Variants in EPHA1 observed in about 807,000 individuals in gnomAD.
EPHA1 encodes ephrin type-A receptor 1.
Under a neutral mutation model 110.1 loss-of-function variants are expected in EPHA1, and 92 were observed. That is an observed-to-expected ratio of 0.84 (90% CI 0.71 to 0.99). The LOEUF (loss-of-function observed/expected upper bound fraction) is 0.99, where lower values mean the gene tolerates loss of function less well. Among genes scored for constraint, EPHA1 ranks in the 50% least tolerant of loss-of-function variants. EPHA1 has a pLI of 0.00. For synonymous variants in EPHA1, 500 were observed against 516.1 expected (o/e 0.97, Z 0.42); for missense variants, 1,204 against 1,285.4 (o/e 0.94, Z 0.97).
chr7:143,395,586 G>T lies in EPHA1; in HGVS notation c.1898-82C>A. 1 of 1,429,222 alleles carries T rather than the reference G, an allele frequency of 7.0e-7. No individual in the cohort carries two copies. Among genetic ancestry groups the T allele is most frequent in the Non-Finnish European group, 9.5e-7 (1 of 1,049,000 alleles). The allele number at this position is 1,429,222 out of a possible 1,614,324, so 88.5% of individuals were successfully genotyped here. A position where few individuals can be genotyped will look rare whatever the true frequency, so the allele number is the denominator to read the frequency against. ...CAGGCAGCAACCCCTCCAGTCCTCC[G>T]GCCCTTTTCTTTTCTGGAGAATCAG... is the stretch of plus-strand genomic sequence containing the variant. On this transcript the variant is annotated intron_variant, in intron 11 of 17. Coordinates refer to ENST00000275815, the MANE Select transcript of EPHA1 (RefSeq NM_005232.5). This position sits in a 1 kb window ranked among gnomAD's most constrained non-coding sequence, Gnocchi z 4.7.
rs959943574 is a variant in EPHA1, at chr7:143,394,281, T to A, written c.2415A>T (p.Thr805=). Reference sequence around the variant, plus strand: ...TCCCAAAGCTCCACACATCGCTGGCTGTGGTGAAGATCCGATGGGCAATGG... The same window carrying A: ...TCCCAAAGCTCCACACATCGCTGGCAGTGGTGAAGATCCGATGGGCAATGG... ...PEAIAHRIFT[T]ASDVWSFGIV... Residue 805 remains threonine, a synonymous_variant, in exon 15 of 18, where the codon ACA becomes ACT. Coordinates refer to ENST00000275815, the MANE Select transcript of EPHA1 (RefSeq NM_005232.5). 7 of 1,613,974 alleles carry A rather than the reference T, an allele frequency of 4.3e-6. No individual in the cohort carries two copies. The African/African-American group carries it at 9.3e-5, about 22-fold the overall frequency.
intron 16 of EPHA1, among the ~76,000 whole-genome samples, chr7:143,392,467 T>G (rs1366369750): frequency 6.6e-6 from 1 of 152,206 alleles, no homozygotes; most frequent in African/African-American, 2.4e-5. Context: ...ATATGGTGGT[T>G]GGATACAGAG....
chr7:143,407,520 C>A, intron 2 of EPHA1, 91 bp downstream of exon 2: 3 of 1,339,864 alleles, frequency 2.2e-6, no homozygotes, highest in South Asian at 1.2e-5. Flanking sequence ...GTTTTTCCTG[C>A]TCTTTTCTCT....
At chr7:143,394,730 G>T (rs1805195344) in intron 14 of EPHA1, 78 bp downstream of exon 14, 1 of 1,545,202 alleles carries the variant, frequency 6.5e-7, no homozygotes, top group African/African-American at 1.4e-5. Flanking sequence ...AAGTCTTTGT[G>T]CCTATATACA....
rs2116627115 is a variant in EPHA1 at position 143,399,428 on chromosome 7, C to A, written c.836-15G>T. 1.3e-6 allele frequency: 2 copies of A among 1,566,742 alleles called. No individual in the cohort carries two copies. The highest frequency in any genetic ancestry group is 8.6e-7 in the Non-Finnish European group (1 of 1,156,132). On this transcript the variant is annotated splice_polypyrimidine_tract_variant and intron_variant, in intron 4 of 17. Transcript: ENST00000275815. Reference sequence around the variant, plus strand: ...GCTAGGGCAGGCTGGAGAGAGAACGCAGCAGAGCAGTGGTTCTGTAAATGT... The same window carrying A: ...GCTAGGGCAGGCTGGAGAGAGAACGAAGCAGAGCAGTGGTTCTGTAAATGT...
intron 5 of EPHA1, 61 bp from the exon 6 acceptor site, chr7:143,399,006 C>T (rs1018741586): frequency 6.9e-6 from 10 of 1,448,394 alleles, no homozygotes; most frequent in Non-Finnish European, 9.3e-6. Flanking sequence ...GCTGCTGATC[C>T]CCGGCCTCCA....
Position 143,395,313 on chromosome 7 carries a change from T to A in EPHA1, c.2083+6A>T, listed in dbSNP as rs200415307. ...GCCCCCAGCTGAGGGAGACCACTCA[T>A]CGTACGCTTTGTGACGACGCCTTCC... On this transcript the variant is annotated splice_donor_region_variant and intron_variant, in intron 12 of 17. Coordinates refer to ENST00000275815, the MANE Select transcript of EPHA1 (RefSeq NM_005232.5). The surrounding 1 kb of genome is among the most constrained non-coding windows in gnomAD (Gnocchi z 4.7). The A allele has an allele frequency of 7.7e-4, 1,241 of 1,614,044 alleles. 9 individuals carry two copies. The highest frequency in any genetic ancestry group is 7.2e-4 in the Non-Finnish European group (848 of 1,180,030).
In EPHA1 at chr7:143,395,413, T is replaced by C. The variant is rs1430948164; in HGVS notation, c.1989A>G (p.Pro663=). The change falls in exon 12 of 18, where the codon CCA becomes CCG. Residue 663 remains proline, a synonymous_variant. Coordinates refer to ENST00000275815, the MANE Select transcript of EPHA1 (RefSeq NM_005232.5). This position sits in a 1 kb window ranked among gnomAD's most constrained non-coding sequence, Gnocchi z 4.7. ...VAIKTLKDTS[P]GGQWWNFLRE... ...GAAGGAAGTTCCACCACTGGCCACC[T>C]GGGGATGTGTCTTTTAAGGTCTTAA... 1 of 1,614,078 alleles carries C rather than the reference T, an allele frequency of 6.2e-7. No individual in the cohort carries two copies. Among genetic ancestry groups the C allele is most frequent in the Non-Finnish European group, 8.5e-7 (1 of 1,180,036 alleles).
chr7:143,395,561 C>T lies in EPHA1; in HGVS notation c.1898-57G>A. 1 of 1,570,158 alleles carries T rather than the reference C, an allele frequency of 6.4e-7. No individual in the cohort carries two copies. Among genetic ancestry groups the T allele is most frequent in the Non-Finnish European group, 8.7e-7 (1 of 1,148,924 alleles). On this transcript the variant is annotated intron_variant, in intron 11 of 17. Transcript: ENST00000275815. This position sits in a 1 kb window ranked among gnomAD's most constrained non-coding sequence, Gnocchi z 4.7. ...TGCACTGCAGGGCTCCTCCAGGGGA[C>T]AGGCAGCAACCCCTCCAGTCCTCCG... is the stretch of plus-strand genomic sequence containing the variant.
intron 11 of EPHA1, among the ~76,000 whole-genome samples, 171 bp downstream of exon 11, chr7:143,396,214 G>A (rs7800937): frequency 0.92 from 140,764 of 152,286 alleles, 65,175 homozygotes; most frequent in East Asian, 1. Flanking sequence ...TAACAAGAAC[G>A]CAATGGTTCA....
chr7:143,407,733 A>G, intron 1 of EPHA1, 55 bp from the exon 2 acceptor site: 1 of 1,502,216 alleles, frequency 6.7e-7, no homozygotes. Flanking sequence ...GTGCCCCTGC[A>G]GCCCACATTA....
At position 143,399,692 on chromosome 7, in the gene EPHA1, T is replaced by C. The variant is rs1266044572; in HGVS notation, c.794A>G (p.Glu265Gly). 1 of 1,613,554 alleles carries C rather than the reference T, an allele frequency of 6.2e-7. No homozygotes were observed. Among genetic ancestry groups the C allele is most frequent in the Non-Finnish European group, 8.5e-7 (1 of 1,180,034 alleles). The change falls in exon 4 of 18, where the codon GAG (glutamate) becomes GGG (glycine). Residue 265 changes from glutamate (E) to glycine (G), a missense_variant. Coordinates refer to ENST00000275815, the MANE Select transcript of EPHA1 (RefSeq NM_005232.5). The stretch of plus-strand genomic sequence containing the variant: ...ACTGCCACCTTCCTCATAGCCAGGC[T>C]CACAGTGGCACCGTCCTACAGGCAC... ...WLVPVGRCHC[E>G]PGYEEGGSGE... is the part of the protein sequence containing the mutation.
At chr7:143,408,611 G>C in intron 1 of EPHA1, 113 bp downstream of exon 1, 1 of 283,174 alleles carries the variant, frequency 3.5e-6, no homozygotes, top group Non-Finnish European at 5.8e-6. Context: ...GAGCTGGCGA[G>C]GGTCTCGGGG....
intron 15 of EPHA1, 143 bp from the exon 16 acceptor site, chr7:143,394,007 G>A: frequency 8.1e-7 from 1 of 1,236,238 alleles, no homozygotes; most frequent in Non-Finnish European, 1.1e-6. Context: ...ATCACAGTGG[G>A]AGGATCAGGG....
At chr7:143,399,040 T>C in intron 5 of EPHA1, 95 bp from the exon 6 acceptor site, 1 of 1,271,086 alleles carries the variant, frequency 7.9e-7, no homozygotes, top group South Asian at 1.5e-5. Context: ...CTCGATGTCC[T>C]CTGAAGTCCT....
chr7:143,399,723 A>G lies in EPHA1; in HGVS notation c.763T>C (p.Trp255Arg), dbSNP rs1805364365. The change falls in exon 4 of 18, where the codon TGG (tryptophan) becomes CGG (arginine). Residue 255 changes from tryptophan (W) to arginine (R), a missense_variant. Transcript: ENST00000275815. ...PRMHCSPDGE[W>R]LVPVGRCHCE... ...TGGCACCGTCCTACAGGCACCAGCC[A>G]CTCGCCATCAGGGCTGCAGTGCATG... 2 of 1,613,730 alleles carry G rather than the reference A, an allele frequency of 1.2e-6. No individual in the cohort carries two copies. Among genetic ancestry groups the G allele is most frequent in the Non-Finnish European group, 1.7e-6 (2 of 1,180,012 alleles).
At chr7:143,396,615 G>T in intron 10 of EPHA1, 105 bp from the exon 11 acceptor site, 1 of 1,392,612 alleles carries the variant, frequency 7.2e-7, no homozygotes, top group Non-Finnish European at 9.8e-7. Context: ...ACACCTCCCT[G>T]TTTCCCAAGG....
Position 143,395,615 on chromosome 7 carries a change from CGTG to C in EPHA1, c.1898-114_1898-112del. ...CTTTTCTTTTCTGGAGAATCAGAAG[CGTG>C]GAGTGCCCTTCCTGGGACAGGGCGT... On this transcript the variant is annotated intron_variant, in intron 11 of 17. Coordinates refer to ENST00000275815, the MANE Select transcript of EPHA1 (RefSeq NM_005232.5). This position sits in a 1 kb window ranked among gnomAD's most constrained non-coding sequence, Gnocchi z 4.7. The C allele has an allele frequency of 8.5e-7, 1 of 1,169,888 alleles. No homozygotes were observed. The highest frequency in any genetic ancestry group is 1.5e-5 in the African/African-American group (1 of 65,172). The allele number at this position is 1,169,888 out of a possible 1,614,324, so 72.5% of individuals were successfully genotyped here.
In EPHA1 at chr7:143,408,743, C is replaced by CGGGGGCAGCGGGGCGCAG; in HGVS notation, c.45_62dup (p.Cys16_Pro21dup). On this transcript the variant is annotated inframe_insertion, in exon 1 of 18. Coordinates refer to ENST00000275815, the MANE Select transcript of EPHA1 (RefSeq NM_005232.5). ...CGGTACCTTCCTTGGCGCGCGCCCCCGGGGGCAGCGGGGCGCAGAGCAGCA... is the reference window on the plus strand; with the variant it reads ...CGGTACCTTCCTTGGCGCGCGCCCCCGGGGGCAGCGGGGCGCAGGGGGGCAGCGGGGCGCAGAGCAGCA... 2.9e-6 allele frequency: 3 copies of CGGGGGCAGCGGGGCGCAG among 1,029,906 alleles called. No individual in the cohort carries two copies. Among genetic ancestry groups the CGGGGGCAGCGGGGCGCAG allele is most frequent in the Non-Finnish European group, 3.7e-6 (3 of 806,696 alleles). 63.8% of individuals were successfully genotyped at this position (1,029,906 alleles called of 1,614,324 possible).
Sources: allele counts gnomAD v4.1 joint callset (sites outside exome capture counted in the v4.1 genomes callset), GRCh38; gene constraint gnomAD v4.1.1; non-coding constraint Gnocchi (gnomAD v3.1); transcripts MANE v1.5; gene names NCBI Gene and HGNC (gene_info 2026-07-23, HGNC 2026-07-21).